DLGAP2: variants seen among roughly 807,000 people sequenced by gnomAD.
DLGAP2 encodes disks large-associated protein 2.
Under a neutral mutation model 100.3 loss-of-function variants are expected in DLGAP2, and 26 were observed. The ratio of observed to expected loss-of-function variants is 0.26; its 90% CI spans 0.19 to 0.36. DLGAP2 has a LOEUF of 0.36. Ranked by LOEUF, DLGAP2 falls within the 10% of genes least tolerant of loss-of-function variation. The probability of loss-of-function intolerance (pLI) is 1.00; values close to 1 mark genes in which losing one functional copy is unlikely to be tolerated. For synonymous variants in DLGAP2, 886 were observed against 630.1 expected, an observed-to-expected ratio of 1.41 and a Z score of -6.08; for missense variants, 1,858 against 1,453.2, an observed-to-expected ratio of 1.28 and a Z score of -4.53.
chr8:1,410,832 A>G (rs1449363807), intron 3 of DLGAP2, among the ~76,000 whole-genome samples: 1 of 135,230 alleles, frequency 7.4e-6, no homozygotes, highest in Admixed American at 7.4e-5. Context: ...CTCTGGAGCC[A>G]TTTTTTTTTT....
Position 966,809 on chromosome 8 carries a change from A to G in DLGAP2, c.73+58843A>G, listed in dbSNP as rs150062240. Among the ~76,000 whole-genome samples the G allele has an allele frequency of 1.9e-3, 293 of 152,298 alleles. 1 individual carries two copies. Among genetic ancestry groups the G allele is most frequent in the Non-Finnish European group, 3.4e-3 (234 of 68,024 alleles). On this transcript the variant is annotated intron_variant, in intron 2 of 14. Transcript: ENST00000637795. ...GAAATGACTGTTGTTAGGATGGTCA[A>G]CCTTCTTCCAGCTTTATTTCCACGC...
At chr8:1,139,201 C>G (rs62486836) in intron 2 of DLGAP2, among the ~76,000 whole-genome samples, 3 of 152,110 alleles carry the variant, frequency 2.0e-5, no homozygotes, top group African/African-American at 7.2e-5. Flanking sequence ...GGGGTGTGCA[C>G]AGGGCGGGGG....
intron 2 of DLGAP2, among the ~76,000 whole-genome samples, chr8:1,100,664 C>T (rs1479735287): frequency 1.3e-5 from 2 of 152,174 alleles, no homozygotes; most frequent in East Asian, 1.9e-4. Context: ...AATTGTCAGA[C>T]GTCATGACTG....
chr8:1,100,342 C>T (rs1395044816), intron 2 of DLGAP2, among the ~76,000 whole-genome samples: 10 of 148,310 alleles, frequency 6.7e-5, no homozygotes, highest in Non-Finnish European at 1.0e-4. Flanking sequence ...CAGTGTACAG[C>T]GTGTGTAGGG....
At position 1,702,654 on chromosome 8, in the gene DLGAP2, G is replaced by A. The variant is rs926572246; in HGVS notation, c.*1248G>A. On this transcript the variant is annotated 3_prime_UTR_variant, in exon 15 of 15. Coordinates refer to ENST00000637795, the MANE Select transcript of DLGAP2 (RefSeq NM_001346810.2). ...ATTGGTGTTCATGACTCTGTGGTCG[G>A]TGCCAGAGGAAAATAGGAACGACTC... 2.0e-5 allele frequency: 3 copies of A among 152,272 alleles called. No homozygotes were observed. Among genetic ancestry groups the A allele is most frequent in the African/African-American group, 7.2e-5 (3 of 41,438 alleles). The allele number at this position is 152,272 out of a possible 1,614,324, so 9.4% of individuals were successfully genotyped here. A position where few individuals can be genotyped will look rare whatever the true frequency, so the allele number is the denominator to read the frequency against.
At chr8:1,615,248 A>G (rs948266425) in intron 6 of DLGAP2, among the ~76,000 whole-genome samples, 3 of 152,190 alleles carry the variant, frequency 2.0e-5, no homozygotes, top group Non-Finnish European at 4.4e-5. Flanking sequence ...CAGGCCAGGT[A>G]AACCATCTGC....
chr8:1,062,041 A>G (rs1320210211), intron 2 of DLGAP2, among the ~76,000 whole-genome samples: 3 of 138,182 alleles, frequency 2.2e-5, no homozygotes, highest in African/African-American at 5.0e-5. Context: ...ATAGACATTT[A>G]TCTGAAAAAA....
intron 2 of DLGAP2, among the ~76,000 whole-genome samples, chr8:937,545 G>A (rs1799099451): frequency 1.3e-5 from 2 of 152,164 alleles, no homozygotes; most frequent in African/African-American, 4.8e-5. Flanking sequence ...GGATGGTGGG[G>A]TGCATTTATC....
chr8:1,117,286 G>T (rs770276468), intron 2 of DLGAP2, among the ~76,000 whole-genome samples: 2 of 152,220 alleles, frequency 1.3e-5, no homozygotes, highest in African/African-American at 4.8e-5. Context: ...CTGGGCAGGT[G>T]TGCAGACAGA....
At chr8:1,013,478 T>C (rs1266765973) in intron 2 of DLGAP2, among the ~76,000 whole-genome samples, 1 of 152,044 alleles carries the variant, frequency 6.6e-6, no homozygotes, top group Non-Finnish European at 1.5e-5. Context: ...GAGCCAGCCT[T>C]TCCCAGGACG....
intron 1 of DLGAP2, among the ~76,000 whole-genome samples, chr8:819,625 C>G (rs1278469834): frequency 6.6e-6 from 1 of 152,186 alleles, no homozygotes; most frequent in African/African-American, 2.4e-5. Flanking sequence ...AATATGAGAT[C>G]AATGAATGAA....
chr8:947,033 C>G (rs866653557), intron 2 of DLGAP2, among the ~76,000 whole-genome samples: 1 of 152,196 alleles, frequency 6.6e-6, no homozygotes, highest in Non-Finnish European at 1.5e-5. Flanking sequence ...GCGGCTGGAA[C>G]GGCTTCAGGC....
Position 922,200 on chromosome 8 carries a change from A to G in DLGAP2, c.73+14234A>G, listed in dbSNP as rs1798729702. Among the ~76,000 whole-genome samples the G allele has an allele frequency of 2.0e-5, 3 of 152,342 alleles. No individual in the cohort carries two copies. In the South Asian group the frequency reaches 6.2e-4, roughly 32 times the overall value. On this transcript the variant is annotated intron_variant, in intron 2 of 14. Transcript: ENST00000637795. ...GAGGCTGTGTAAGGGTGTGAGCCAG[A>G]TAATACTTTAAGCTGGAAGTGGAAG...
chr8:1,100,955 G>A (rs1031097727), intron 2 of DLGAP2, among the ~76,000 whole-genome samples: 5 of 152,182 alleles, frequency 3.3e-5, no homozygotes, highest in Admixed American at 3.3e-4. Flanking sequence ...AGCAATACCA[G>A]TTACATTTCT....
At chr8:1,344,408 G>C (rs1036768367) in intron 3 of DLGAP2, among the ~76,000 whole-genome samples, 1 of 152,216 alleles carries the variant, frequency 6.6e-6, no homozygotes, top group African/African-American at 2.4e-5. Flanking sequence ...CACTTTCTCT[G>C]AGCAGCTGCT....
At chr8:1,442,098 C>T (rs1451529885) in intron 3 of DLGAP2, among the ~76,000 whole-genome samples, 1 of 152,236 alleles carries the variant, frequency 6.6e-6, no homozygotes, top group Non-Finnish European at 1.5e-5. Flanking sequence ...GCATGTGTCT[C>T]CTCTGACCTG....
At position 1,640,733 on chromosome 8, in the gene DLGAP2, C is replaced by G. The variant is rs953380698; in HGVS notation, c.1810+7687C>G. ...TGAGCACAGCACCAAGACCGTCAAA[C>G]GCTAAAAACAGGCACAGGTGGAAGT... On this transcript the variant is annotated intron_variant, in intron 8 of 14. Transcript: ENST00000637795. 2.6e-5 allele frequency among the ~76,000 whole-genome samples: 4 copies of G among 152,128 alleles called. No individual in the cohort carries two copies. The East Asian group carries it at 7.7e-4, about 29-fold the overall frequency.
At chr8:756,297 G>A (rs1820919623) in intron 1 of DLGAP2, among the ~76,000 whole-genome samples, 2 of 152,108 alleles carry the variant, frequency 1.3e-5, no homozygotes, top group Admixed American at 6.5e-5. Context: ...TGGCCGGATA[G>A]GGAGCAGGTG....
chr8:852,461 G>A (rs1215541847), intron 1 of DLGAP2, among the ~76,000 whole-genome samples: 3 of 152,148 alleles, frequency 2.0e-5, no homozygotes, highest in Non-Finnish European at 2.9e-5. Context: ...TCTTTTATCT[G>A]CTCATCAGCT....
Sources: gnomAD v4.1 joint callset for allele counts (sites outside exome capture counted in the v4.1 genomes callset) on GRCh38, gnomAD v4.1.1 for gene constraint, MANE v1.5 for transcripts, NCBI Gene and HGNC (gene_info 2026-07-23, HGNC 2026-07-21) for gene names.